The following ARHGAP23 variants were observed in gnomAD, a reference collection of about 807,000 sequenced individuals.
ARHGAP23 encodes Rho GTPase activating protein 23.
A neutral mutation model predicts 136.3 loss-of-function variants in ARHGAP23; 34 were observed. The ratio of observed to expected loss-of-function variants is 0.25; its 90% CI spans 0.19 to 0.33. The LOEUF is 0.33. ARHGAP23 is among the 10% of genes least tolerant of loss of function. ARHGAP23 has a pLI of 1.00. For missense variants in ARHGAP23, 1,808 were observed against 2,139.0 expected, an observed-to-expected ratio of 0.85 and a Z score of 3.05; for synonymous variants, 832 against 920.5, an observed-to-expected ratio of 0.90 and a Z score of 1.74.
chr17:38,489,971 A>C, intron 17 of ARHGAP23, 131 bp from the exon 18 acceptor site: 1 of 774,774 alleles, frequency 1.3e-6, no homozygotes, highest in Non-Finnish European at 2.2e-6. Context: ...CATACACAAG[A>C]GGCTGTCGCC....
At chr17:38,497,453 G>A in intron 20 of ARHGAP23, among the ~76,000 whole-genome samples, 1 of 152,208 alleles carries the variant, frequency 6.6e-6, no homozygotes, top group East Asian at 1.9e-4. Flanking sequence ...CCACAGGGGT[G>A]TGCCCAGGAC....
upstream of ARHGAP23, among the ~76,000 whole-genome samples, chr17:38,426,572 A>AAAAAAAAAAAAAAAAAAAC (rs1567767218): frequency 6.7e-6 from 1 of 149,280 alleles, no homozygotes; most frequent in African/African-American, 2.5e-5. Flanking sequence ...AAAAAAAAAA[A>AAAAAAAAAAAAAAAAAAAC]TCCAGGCAGT....
In ARHGAP23 at chr17:38,507,276, AAATAATAAT is replaced by A. The variant is rs56830471; in HGVS notation, c.3448-2646_3448-2638del. On this transcript the variant is annotated intron_variant, in intron 23 of 23. Coordinates refer to ENST00000622683, the MANE Select transcript of ARHGAP23 (RefSeq NM_001199417.2). ...GGTGACAGAGGGAGACTCCGTCTCA[AAATAATAAT>A]AATAATAATAATAATAATAATGCTC... is the stretch of plus-strand genomic sequence containing the variant. 6.1e-4 allele frequency among the ~76,000 whole-genome samples: 83 copies of A among 136,674 alleles called. 3 individuals are homozygous for A. The highest frequency in any genetic ancestry group is 2.1e-3 in the African/African-American group (77 of 36,524). 89.7% of individuals were successfully genotyped at this position (136,674 alleles called of 152,430 possible). A position where few individuals can be genotyped will look rare whatever the true frequency, so the allele number is the denominator to read the frequency against.
At chr17:38,460,197 G>A (rs576780978) in intron 2 of ARHGAP23, among the ~76,000 whole-genome samples, 7 of 152,244 alleles carry the variant, frequency 4.6e-5, no homozygotes, top group African/African-American at 1.7e-4. Flanking sequence ...GCCTCCCAGT[G>A]GGTCCCCTTG....
At chr17:38,479,936 GA>G in intron 14 of ARHGAP23, 53 bp downstream of exon 14, 4 of 1,420,420 alleles carry the variant, frequency 2.8e-6, no homozygotes, top group Non-Finnish European at 1.9e-6. Context: ...GGGGCATGGG[GA>G]GGGGAGGGCA....
chr17:38,466,973 C>A lies in ARHGAP23; in HGVS notation c.1290C>A (p.Thr430=), dbSNP rs1347432237. ...ACAGCCCATCATTCCAGCGCCGGAC[C>A]GGCCTCCTCCATGCGCTCTCCTTCC... is the stretch of plus-strand genomic sequence containing the variant. ...RSYSPSFQRR[T]GLLHALSFRD... The change falls in exon 7 of 24, where the codon ACC becomes ACA. Residue 430 remains threonine, a synonymous_variant. Coordinates refer to ENST00000622683, the MANE Select transcript of ARHGAP23 (RefSeq NM_001199417.2). 7.1e-6 allele frequency: 11 copies of A among 1,550,536 alleles called. No individual in the cohort carries two copies. The South Asian group carries it at 1.3e-4, about 18-fold the overall frequency.
intron 16 of ARHGAP23, among the ~76,000 whole-genome samples, chr17:38,483,763 C>T (rs567175616): frequency 5.9e-5 from 9 of 152,238 alleles, no homozygotes; most frequent in Non-Finnish European, 1.2e-4. Flanking sequence ...AGAGGGTGCT[C>T]AGGCTGGAGC....
chr17:38,432,954 C>T (rs9674912), intron 1 of ARHGAP23, among the ~76,000 whole-genome samples: 27,722 of 152,106 alleles, frequency 0.18, 7,900 homozygotes, highest in African/African-American at 0.61. Flanking sequence ...TTAGCCTCGG[C>T]TTTCTTTTAT....
At position 38,498,496 on chromosome 17, in the gene ARHGAP23, G is replaced by A; in HGVS notation, c.3401G>A (p.Gly1134Asp). The A allele has an allele frequency of 6.5e-7, 1 of 1,547,588 alleles. No individual in the cohort carries two copies. ...AACATTGGCAGGACAGTGCCCCCTG[G>A]CGACCCGGGGTCAGGTGAGCGCAGG... ...LPNIGRTVPPGDPGSDSTTCS... is the reference protein window; with the variant it reads ...LPNIGRTVPPDDPGSDSTTCS... Residue 1134 changes from glycine to aspartate, a missense_variant, in exon 22 of 24, where the codon GGC becomes GAC. Transcript: ENST00000622683.
intron 1 of ARHGAP23, among the ~76,000 whole-genome samples, chr17:38,423,224 GCT>G (rs1252085166): frequency 6.7e-6 from 1 of 149,350 alleles, no homozygotes; most frequent in Admixed American, 6.7e-5. Flanking sequence ...ACGATGTTCT[GCT>G]CTGTCACCCA....
At chr17:38,461,992 AC>A (rs1176372048) in intron 3 of ARHGAP23, among the ~76,000 whole-genome samples, 1 of 151,780 alleles carries the variant, frequency 6.6e-6, no homozygotes, top group Non-Finnish European at 1.5e-5. Flanking sequence ...TTGCTCTGTC[AC>A]CCAGGCTGGA....
intron 11 of ARHGAP23, among the ~76,000 whole-genome samples, chr17:38,473,082 A>G (rs1404585436): frequency 6.8e-5 from 10 of 147,474 alleles, no homozygotes; most frequent in East Asian, 5.9e-4. Context: ...GACTACAGGC[A>G]CTCACCACCA....
chr17:38,475,239 G>A (rs1346974495), intron 11 of ARHGAP23, among the ~76,000 whole-genome samples: 3 of 152,244 alleles, frequency 2.0e-5, no homozygotes, highest in African/African-American at 4.8e-5. Flanking sequence ...GAAAGGGACA[G>A]TGACTTGTCC....
chr17:38,488,904 C>G (rs2040212818), intron 17 of ARHGAP23, among the ~76,000 whole-genome samples: 1 of 150,998 alleles, frequency 6.6e-6, no homozygotes, highest in African/African-American at 2.4e-5. Flanking sequence ...GAGACTGAGT[C>G]TCACCCTGTC....
chr17:38,427,032 A>G (rs1368178662), upstream of ARHGAP23, among the ~76,000 whole-genome samples: 1 of 152,200 alleles, frequency 6.6e-6, no homozygotes, highest in Non-Finnish European at 1.5e-5. Context: ...TCTTTTCTAC[A>G]TAATCTGGGA....
At chr17:38,460,780 C>G (rs942012727) in intron 2 of ARHGAP23, 125 bp from the exon 3 acceptor site, 13 of 1,529,080 alleles carry the variant, frequency 8.5e-6, no homozygotes, top group Admixed American at 2.0e-5. Context: ...CCCTCCCCTG[C>G]TGGGCTACTT....
In ARHGAP23 at chr17:38,433,299, A is replaced by G. The variant is rs144179946; in HGVS notation, c.63+4751A>G. Reference sequence around the variant, plus strand: ...CTGAAATAATCCCTCAAAATTACAGAGAGGGCTAAATGAGGTAGTATTGGT... The same window carrying G: ...CTGAAATAATCCCTCAAAATTACAGGGAGGGCTAAATGAGGTAGTATTGGT... On this transcript the variant is annotated intron_variant, in intron 1 of 23. Transcript: ENST00000622683. Among the ~76,000 whole-genome samples the G allele has an allele frequency of 1.7e-3, 264 of 152,252 alleles. 2 individuals carry two copies. The highest frequency in any genetic ancestry group is 6.0e-3 in the African/African-American group (251 of 41,528).
chr17:38,426,572 A>AAAAAAAAAAAAAAAAAAAAG (rs1567767218), upstream of ARHGAP23, among the ~76,000 whole-genome samples: 3 of 149,390 alleles, frequency 2.0e-5, no homozygotes, highest in African/African-American at 2.5e-5. Flanking sequence ...AAAAAAAAAA[A>AAAAAAAAAAAAAAAAAAAAG]TCCAGGCAGT....
intron 10 of ARHGAP23, 135 bp downstream of exon 10, chr17:38,470,039 C>G: frequency 8.6e-7 from 1 of 1,165,124 alleles, no homozygotes; most frequent in Non-Finnish European, 1.2e-6. Flanking sequence ...CTGCACCCCT[C>G]ACCCTCGTGT....
Sources: gnomAD v4.1 joint callset for allele counts (sites outside exome capture counted in the v4.1 genomes callset) on GRCh38, gnomAD v4.1.1 for gene constraint, MANE v1.5 for transcripts, NCBI Gene and HGNC (gene_info 2026-07-23, HGNC 2026-07-21) for gene names.